APPBP2: variants seen among roughly 807,000 people sequenced by gnomAD.
The protein encoded by APPBP2 is amyloid protein-binding protein 2.
In APPBP2, 15 loss-of-function variants were observed where a neutral mutation model predicts 76.0. That is an observed-to-expected ratio of 0.20 (90% CI 0.13 to 0.30). The LOEUF (loss-of-function observed/expected upper bound fraction) is 0.30, where lower values mean the gene tolerates loss of function less well. Ranked by LOEUF, APPBP2 falls within the 10% of genes least tolerant of loss-of-function variation. The probability of loss-of-function intolerance (pLI) is 1.00; values close to 1 mark genes in which losing one functional copy is unlikely to be tolerated. For missense variants in APPBP2, 401 were observed against 687.2 expected (o/e 0.58, Z 4.66); for synonymous variants, 222 against 242.2 (o/e 0.92, Z 0.77).
intron 3 of APPBP2, among the ~76,000 whole-genome samples, chr17:60,492,729 T>G (rs747740282): frequency 8.5e-5 from 13 of 152,228 alleles, no homozygotes; most frequent in Non-Finnish European, 1.5e-4. Context: ...AATAACTAAC[T>G]TGCTTTTGAT....
In APPBP2 at chr17:60,454,229, T is replaced by A. The variant is rs2090416688; in HGVS notation, c.1338+73A>T. On this transcript the variant is annotated intron_variant, in intron 11 of 12. Coordinates refer to ENST00000083182, the MANE Select transcript of APPBP2 (RefSeq NM_006380.5). ...AATAAGTGTATAATTTATTTGAGCT[T>A]ACTTAAAATTTATTATTTCAGGTTC... The A allele has an allele frequency of 7.1e-6, 8 of 1,124,350 alleles. No homozygotes were observed. The South Asian group carries it at 1.4e-4, about 20-fold the overall frequency. 69.6% of individuals were successfully genotyped at this position (1,124,350 alleles called of 1,614,324 possible).
rs1211853082 is a variant in APPBP2 at position 60,446,517 on chromosome 17, C to G, written c.*1064G>C. 6 of 152,204 alleles carry G rather than the reference C, an allele frequency of 3.9e-5. No individual in the cohort carries two copies. The highest frequency in any genetic ancestry group is 1.4e-4 in the African/African-American group (6 of 41,450). The allele number at this position is 152,204 out of a possible 1,614,324, so 9.4% of individuals were successfully genotyped here. Reference sequence around the variant, plus strand: ...TTTTCATTAATCTCCATAAACCATACAGTAACCTAACATTTCCATCTGAAC... The same window carrying G: ...TTTTCATTAATCTCCATAAACCATAGAGTAACCTAACATTTCCATCTGAAC... On this transcript the variant is annotated 3_prime_UTR_variant, in exon 13 of 13. Coordinates refer to ENST00000083182, the MANE Select transcript of APPBP2 (RefSeq NM_006380.5).
chr17:60,482,668 T>A (rs2090639634), intron 3 of APPBP2, among the ~76,000 whole-genome samples: 1 of 152,144 alleles, frequency 6.6e-6, no homozygotes, highest in African/African-American at 2.4e-5. Flanking sequence ...CCCACCTGAG[T>A]GAGAACATGT....
chr17:60,457,694 T>C (rs2090441653), intron 9 of APPBP2, among the ~76,000 whole-genome samples: 1 of 152,240 alleles, frequency 6.6e-6, no homozygotes, highest in Non-Finnish European at 1.5e-5. Flanking sequence ...CCTCCTAAAG[T>C]GCTGGGAGTA....
chr17:60,481,549 A>C (rs905066797), intron 3 of APPBP2, among the ~76,000 whole-genome samples: 1 of 152,212 alleles, frequency 6.6e-6, no homozygotes, highest in Non-Finnish European at 1.5e-5. Context: ...CAATGTACTT[A>C]ATTTTATTTG....
At chr17:60,448,839 T>C (rs959966510) in intron 12 of APPBP2, among the ~76,000 whole-genome samples, 3 of 152,162 alleles carry the variant, frequency 2.0e-5, no homozygotes, top group African/African-American at 7.2e-5. Flanking sequence ...AGTGAGTGGG[T>C]GGGAACTGGG....
intron 3 of APPBP2, among the ~76,000 whole-genome samples, chr17:60,489,233 A>G (rs1286519697): frequency 6.6e-6 from 1 of 151,616 alleles, no homozygotes; most frequent in Non-Finnish European, 1.5e-5. Context: ...AATAAAAAAA[A>G]AGAAATAATG....
At chr17:60,507,125 A>C (rs1309579567) in intron 1 of APPBP2, among the ~76,000 whole-genome samples, 1 of 152,192 alleles carries the variant, frequency 6.6e-6, no homozygotes, top group African/African-American at 2.4e-5. Context: ...ATATTGCATA[A>C]TGCTGGGGTG....
intron 5 of APPBP2, chr17:60,465,135 GC>G (rs2090501599): frequency 6.6e-6 from 1 of 151,636 alleles, no homozygotes; most frequent in Admixed American, 6.6e-5. Context: ...AAGTCCAAGA[GC>G]CGGCAGTACT....
chr17:60,498,170 T>G (rs1360743066), intron 2 of APPBP2, among the ~76,000 whole-genome samples: 1 of 151,984 alleles, frequency 6.6e-6, no homozygotes. Context: ...AAGCCAGATC[T>G]GTAGCTACTA....
At chr17:60,514,686 C>T (rs189469367) in intron 1 of APPBP2, among the ~76,000 whole-genome samples, 148 of 148,820 alleles carry the variant, frequency 9.9e-4, no homozygotes, top group Non-Finnish European at 1.8e-3. Context: ...ATTTTCCACA[C>T]ATTCAACAAG....
chr17:60,444,923 GCACCT>G lies in APPBP2; in HGVS notation c.*2653_*2657del, dbSNP rs977728869. 2.0e-5 allele frequency: 3 copies of G among 152,140 alleles called. No homozygotes were observed. Among genetic ancestry groups the G allele is most frequent in the African/African-American group, 7.2e-5 (3 of 41,406 alleles). The allele number at this position is 152,140 out of a possible 1,614,324, so 9.4% of individuals were successfully genotyped here. The stretch of plus-strand genomic sequence containing the variant: ...TTTAAGTTGGCCAGGGCTTCCTTAC[GCACCT>G]CACCATATGTAAAAAGTTTGCGCAA... On this transcript the variant is annotated 3_prime_UTR_variant, in exon 13 of 13. Transcript: ENST00000083182.
At chr17:60,493,303 A>C (rs1428706597) in intron 3 of APPBP2, among the ~76,000 whole-genome samples, 1 of 152,190 alleles carries the variant, frequency 6.6e-6, no homozygotes, top group Non-Finnish European at 1.5e-5. Flanking sequence ...ACACAGTGAA[A>C]CCCTGTCTCA....
chr17:60,486,430 TGATCCC>T (rs1351163769), intron 3 of APPBP2, among the ~76,000 whole-genome samples: 1 of 152,218 alleles, frequency 6.6e-6, no homozygotes, highest in Non-Finnish European at 1.5e-5. Flanking sequence ...CTTGTCGAAT[TGATCCC>T]TTTACCATTA....
intron 2 of APPBP2, among the ~76,000 whole-genome samples, chr17:60,499,902 A>G (rs1042541827): frequency 2.6e-5 from 4 of 152,212 alleles, no homozygotes; most frequent in African/African-American, 9.6e-5. Context: ...ACACAGGATA[A>G]GGGAAAGAGA....
At chr17:60,483,557 C>T (rs1162276950) in intron 3 of APPBP2, among the ~76,000 whole-genome samples, 1 of 152,096 alleles carries the variant, frequency 6.6e-6, no homozygotes, top group Admixed American at 6.5e-5. Flanking sequence ...CCACACCTGG[C>T]TATTTTTTTG....
intron 1 of APPBP2, chr17:60,513,266 T>C (rs552534381): frequency 5.7e-5 from 26 of 456,506 alleles, no homozygotes; most frequent in Middle Eastern, 3.5e-4. Context: ...AAATTTGCCA[T>C]ACACAATCAC....
chr17:60,463,895 T>C (rs1389736370), intron 6 of APPBP2, 126 bp downstream of exon 6: 6 of 593,282 alleles, frequency 1.0e-5, no homozygotes, highest in Non-Finnish European at 1.7e-5. Context: ...GCACAGAAAC[T>C]TATAAAACAG....
intron 4 of APPBP2, among the ~76,000 whole-genome samples, chr17:60,471,041 T>A (rs1436241855): frequency 6.6e-6 from 1 of 151,966 alleles, no homozygotes; most frequent in Non-Finnish European, 1.5e-5. Context: ...AGATGATCTC[T>A]CTGCCTCAAA....
Sources: allele counts gnomAD v4.1 joint callset (sites outside exome capture counted in the v4.1 genomes callset), GRCh38; gene constraint gnomAD v4.1.1; transcripts MANE v1.5; gene names NCBI Gene and HGNC (gene_info 2026-07-23, HGNC 2026-07-21).